Variants in CPEB4 observed in about 807,000 individuals in gnomAD.
CPEB4 encodes the protein cytoplasmic polyadenylation element-binding protein 4.
CPEB4 carries 12 observed loss-of-function variants against 72.5 expected under a neutral mutation model. That is an observed-to-expected ratio of 0.17 (90% CI 0.11 to 0.27). CPEB4 has a LOEUF of 0.27. Among genes scored for constraint, CPEB4 ranks in the 10% least tolerant of loss-of-function variants. CPEB4 has a pLI of 1.00. For missense variants in CPEB4, 614 were observed against 908.5 expected (o/e 0.68, Z 4.17); for synonymous variants, 302 against 326.3 (o/e 0.93, Z 0.80).
intron 1 of CPEB4, among the ~76,000 whole-genome samples, chr5:173,894,852 A>T (rs1204904977): frequency 6.6e-6 from 1 of 152,160 alleles, no homozygotes. Flanking sequence ...TCCCAGACGC[A>T]TGTAAGATGA....
rs61670372 is a variant in CPEB4, at chr5:173,950,603, C to CAAAAT, written c.1665+555_1665+559dup. Among the ~76,000 whole-genome samples the CAAAAT allele has an allele frequency of 0.014, 2,142 of 149,308 alleles. 98 individuals are homozygous for CAAAAT. The East Asian group carries it at 0.16, about 11-fold the overall frequency. On this transcript the variant is annotated intron_variant, in intron 7 of 9. Transcript: ENST00000265085. The surrounding 1 kb of genome is among the most constrained non-coding windows in gnomAD (Gnocchi z 5.0). ...CTGGGTGAAAAGTGAGACTCTGTCT[C>CAAAAT]AAAATAAAATAAAATAAAATAAAAT...
At chr5:173,902,596 A>C (rs1350368091) in intron 1 of CPEB4, among the ~76,000 whole-genome samples, 1 of 152,206 alleles carries the variant, frequency 6.6e-6, no homozygotes, top group Non-Finnish European at 1.5e-5. Context: ...ACACCCCAGC[A>C]TCCAAGACAA....
chr5:173,915,344 T>TA (rs1475437559), intron 2 of CPEB4, among the ~76,000 whole-genome samples: 6 of 152,222 alleles, frequency 3.9e-5, no homozygotes, highest in Non-Finnish European at 7.3e-5. Flanking sequence ...ATTTTGAGGC[T>TA]ACTATGATTT....
chr5:173,951,965 C>T (rs762154496), intron 8 of CPEB4, 27 bp downstream of exon 8: 1 of 1,407,498 alleles, frequency 7.1e-7, no homozygotes, highest in Admixed American at 1.7e-5. Context: ...GACAAACTCT[C>T]TACCCTATAG....
At position 173,956,366 on chromosome 5, in the gene CPEB4, T is replaced by G; in HGVS notation, c.*229T>G. On this transcript the variant is annotated 3_prime_UTR_variant, in exon 10 of 10. Transcript: ENST00000265085. ...ATTGCCATCGGGTTGCATGGAAGTT[T>G]TATTCTCTTGTTTTGCTGGAAACCA... 2 of 443,354 alleles carry G rather than the reference T, an allele frequency of 4.5e-6. No individual in the cohort carries two copies. Among genetic ancestry groups the G allele is most frequent in the Non-Finnish European group, 8.0e-6 (2 of 249,722 alleles). The allele number at this position is 443,354 out of a possible 1,614,324, so 27.5% of individuals were successfully genotyped here. A position where few individuals can be genotyped will look rare whatever the true frequency, so the allele number is the denominator to read the frequency against.
At chr5:173,921,046 A>G (rs1757054768) in intron 2 of CPEB4, among the ~76,000 whole-genome samples, 1 of 152,236 alleles carries the variant, frequency 6.6e-6, no homozygotes, top group Non-Finnish European at 1.5e-5. Context: ...TGAACCCATT[A>G]GTGACCAGGC....
chr5:173,959,253 C>A lies in CPEB4; in HGVS notation c.*3116C>A, dbSNP rs1033109453. ...CAGAGTAATTACATGGTGATTTTTG[C>A]AATGTAAAATAAAGTGTTTCTGATT... On this transcript the variant is annotated 3_prime_UTR_variant, in exon 10 of 10. Coordinates refer to ENST00000265085, the MANE Select transcript of CPEB4 (RefSeq NM_030627.4). 6.5e-6 allele frequency: 1 copy of A among 152,758 alleles called. No homozygotes were observed. The highest frequency in any genetic ancestry group is 1.5e-5 in the Non-Finnish European group (1 of 68,024). The allele number at this position is 152,758 out of a possible 1,614,324, so 9.5% of individuals were successfully genotyped here.
At chr5:173,897,322 T>A (rs1234227355) in intron 1 of CPEB4, among the ~76,000 whole-genome samples, 1 of 152,250 alleles carries the variant, frequency 6.6e-6, no homozygotes, top group Admixed American at 6.5e-5. Flanking sequence ...TAAAGGAGAC[T>A]ACATTTTAAT....
At chr5:173,930,303 G>T (rs568241857) in intron 2 of CPEB4, among the ~76,000 whole-genome samples, 1 of 152,140 alleles carries the variant, frequency 6.6e-6, no homozygotes, top group African/African-American at 2.4e-5. Context: ...CAATCTGCCC[G>T]CCTCGGCCTC....
chr5:173,922,533 G>A (rs1056882423), intron 2 of CPEB4, among the ~76,000 whole-genome samples: 2 of 152,172 alleles, frequency 1.3e-5, no homozygotes, highest in South Asian at 4.1e-4. Context: ...GCCTGGCCAA[G>A]ATTTCTTAAT....
intron 3 of CPEB4, among the ~76,000 whole-genome samples, chr5:173,934,193 A>G (rs1189814372): frequency 6.6e-6 from 1 of 152,300 alleles, no homozygotes; most frequent in East Asian, 1.9e-4. Context: ...TCAAAAAAAG[A>G]AAAAAGTATA....
At chr5:173,939,039 G>C (rs1010436792) in intron 3 of CPEB4, among the ~76,000 whole-genome samples, 1 of 152,152 alleles carries the variant, frequency 6.6e-6, no homozygotes, top group Admixed American at 6.5e-5. Flanking sequence ...TACAATCCTA[G>C]CACTTGGGGA....
intron 2 of CPEB4, among the ~76,000 whole-genome samples, chr5:173,931,062 A>G (rs1252394935): frequency 6.6e-6 from 1 of 151,984 alleles, no homozygotes; most frequent in Non-Finnish European, 1.5e-5. Flanking sequence ...AGTTTTGGAT[A>G]TGGATTAATT....
intron 3 of CPEB4, among the ~76,000 whole-genome samples, chr5:173,936,354 T>A (rs1757620696): frequency 6.6e-6 from 1 of 152,212 alleles, no homozygotes; most frequent in Non-Finnish European, 1.5e-5. Flanking sequence ...CCTGAACTCT[T>A]CTTATAAAGA....
intron 2 of CPEB4, among the ~76,000 whole-genome samples, chr5:173,928,204 C>T (rs928087857): frequency 1.2e-4 from 19 of 152,122 alleles, no homozygotes; most frequent in African/African-American, 4.6e-4. Context: ...TGTATGATAC[C>T]ATAATGGGTG....
At chr5:173,918,666 C>T (rs2113200975) in intron 2 of CPEB4, among the ~76,000 whole-genome samples, 1 of 152,268 alleles carries the variant, frequency 6.6e-6, no homozygotes, top group Admixed American at 6.5e-5. Flanking sequence ...CTCATCTGCC[C>T]CGTTTACTTA....
chr5:173,935,469 C>G (rs1344666462), intron 3 of CPEB4, among the ~76,000 whole-genome samples: 1 of 152,164 alleles, frequency 6.6e-6, no homozygotes, highest in Non-Finnish European at 1.5e-5. Context: ...TCTATTCAGG[C>G]TTTTAAAAAC....
chr5:173,928,691 C>T (rs778903026), intron 2 of CPEB4, among the ~76,000 whole-genome samples: 1 of 151,974 alleles, frequency 6.6e-6, no homozygotes, highest in Non-Finnish European at 1.5e-5. Flanking sequence ...GATATTAGAA[C>T]AGAAATAAAG....
chr5:173,953,461 A>T, intron 9 of CPEB4, 189 bp downstream of exon 9: 1 of 461,322 alleles, frequency 2.2e-6, no homozygotes, highest in Non-Finnish European at 3.8e-6. Context: ...TTTTTTGAGT[A>T]GCCTAATCAG....
Sources: gnomAD v4.1 joint callset for allele counts (sites outside exome capture counted in the v4.1 genomes callset) on GRCh38, gnomAD v4.1.1 for gene constraint, Gnocchi (gnomAD v3.1) non-coding constraint, MANE v1.5 for transcripts, NCBI Gene and HGNC (gene_info 2026-07-23, HGNC 2026-07-21) for gene names.